The following DCPH1 variants were observed in gnomAD, a reference collection of about 807,000 sequenced individuals.
The protein encoded by DCPH1 is damage control phosphatase 1, also known as damage-control phosphatase 1.
At chr6:151,464,095 A>G in the DCPH1 span, among the ~76,000 whole-genome samples, 1 of 152,214 alleles carries the variant, frequency 6.6e-6, no homozygotes, top group Admixed American at 6.5e-5. Context: ...ACTCTGCCAC[A>G]TCGGTGGTTA....
At chr6:151,454,851 T>G in the DCPH1 span, among the ~76,000 whole-genome samples, 1 of 152,218 alleles carries the variant, frequency 6.6e-6, no homozygotes, top group Non-Finnish European at 1.5e-5. Context: ...TTCCAATAAT[T>G]AATTCTGTCA....
the DCPH1 span, chr6:151,464,390 A>G: frequency 8.4e-7 from 1 of 1,189,750 alleles, no homozygotes; most frequent in East Asian, 2.4e-5. Context: ...ATTTTCTTTC[A>G]AGAACTGCAG....
chr6:151,454,525 TA>T, the DCPH1 span: 2 of 1,109,262 alleles, frequency 1.8e-6, no homozygotes, highest in Non-Finnish European at 2.8e-6. Context: ...CTAAGTTATA[TA>T]TTGCATGTGA....
the DCPH1 span, chr6:151,454,575 C>G: frequency 9.0e-6 from 14 of 1,555,512 alleles, no homozygotes; most frequent in Middle Eastern, 1.7e-4. Context: ...CAATTAAAGA[C>G]AGAATACCAC....
chr6:151,459,518 G>C, the DCPH1 span, among the ~76,000 whole-genome samples: 3 of 152,082 alleles, frequency 2.0e-5, no homozygotes, highest in African/African-American at 7.2e-5. Context: ...TAGACCAGGC[G>C]TGGTGGCTCA....
the DCPH1 span, among the ~76,000 whole-genome samples, chr6:151,461,345 C>G: frequency 2.5e-4 from 38 of 152,056 alleles, no homozygotes; most frequent in African/African-American, 9.2e-4. Context: ...CATTTATGAC[C>G]CAGTTGGGGA....
chr6:151,460,280 G>C, the DCPH1 span, among the ~76,000 whole-genome samples: 1 of 151,546 alleles, frequency 6.6e-6, no homozygotes, highest in African/African-American at 2.4e-5. Flanking sequence ...GTAGAGATGG[G>C]GTTTCGTTAT....
At chr6:151,467,646 G>A in the DCPH1 span, among the ~76,000 whole-genome samples, 4 of 152,086 alleles carry the variant, frequency 2.6e-5, no homozygotes, top group Non-Finnish European at 5.9e-5. Flanking sequence ...AACTGAAGAT[G>A]CTGAGTTTGA....
chr6:151,468,613 G>A, the DCPH1 span: 1 of 1,614,134 alleles, frequency 6.2e-7, no homozygotes, highest in Non-Finnish European at 8.5e-7. Context: ...ACTGGCTACT[G>A]AGGTTCATTT....
chr6:151,459,918 C>G, the DCPH1 span, among the ~76,000 whole-genome samples: 1 of 152,168 alleles, frequency 6.6e-6, no homozygotes, highest in African/African-American at 2.4e-5. Flanking sequence ...GGTATCTGTT[C>G]CTAAACATAG....
At chr6:151,452,691 A>AGTC in the DCPH1 span, 1 of 1,217,290 alleles carries the variant, frequency 8.2e-7, no homozygotes, top group Non-Finnish European at 1.1e-6. Context: ...GCTGCGTTCG[A>AGTC]GTCCCGCCGC....
chr6:151,454,578 A>G, the DCPH1 span: 4 of 1,565,178 alleles, frequency 2.6e-6, no homozygotes, highest in South Asian at 4.5e-5. Flanking sequence ...TTAAAGACAG[A>G]ATACCACAGA....
chr6:151,467,211 A>G, the DCPH1 span, among the ~76,000 whole-genome samples: 2 of 151,308 alleles, frequency 1.3e-5, no homozygotes, highest in Non-Finnish European at 2.9e-5. Context: ...AGATCGCACC[A>G]CCGCACTCCA....
chr6:151,457,513 A>T, the DCPH1 span, among the ~76,000 whole-genome samples: 1 of 152,214 alleles, frequency 6.6e-6, no homozygotes, highest in African/African-American at 2.4e-5. Flanking sequence ...ACAGTCAGCT[A>T]CAACTTCTTT....
the DCPH1 span, chr6:151,452,784 G>T: frequency 5.4e-6 from 3 of 554,418 alleles, no homozygotes; most frequent in Non-Finnish European, 9.4e-6. Flanking sequence ...GAGGGAGCCT[G>T]CCCGCGGCGG....
the DCPH1 span, among the ~76,000 whole-genome samples, chr6:151,463,177 G>A: frequency 6.6e-6 from 1 of 152,156 alleles, no homozygotes; most frequent in Non-Finnish European, 1.5e-5. Flanking sequence ...GCCGGATTGG[G>A]TCTGTGCATC....
chr6:151,469,209 C>T, the DCPH1 span: 56 of 998,992 alleles, frequency 5.6e-5, no homozygotes, highest in South Asian at 6.1e-4. Context: ...CGGCTCTGTA[C>T]GCGCTCAGGG....
At chr6:151,461,249 A>G in the DCPH1 span, among the ~76,000 whole-genome samples, 1 of 152,174 alleles carries the variant, frequency 6.6e-6, no homozygotes, top group Non-Finnish European at 1.5e-5. Context: ...AGGCAAGAGG[A>G]ATGCTGTTTC....
chr6:151,465,346 T>C, the DCPH1 span, among the ~76,000 whole-genome samples: 1 of 152,090 alleles, frequency 6.6e-6, no homozygotes, highest in Admixed American at 6.6e-5. Context: ...AAAAGAAATG[T>C]TAGAAAGTGC....
Sources: allele counts gnomAD v4.1 joint callset (sites outside exome capture counted in the v4.1 genomes callset), GRCh38; gene constraint gnomAD v4.1.1; transcripts MANE v1.5; gene names NCBI Gene and HGNC (gene_info 2026-07-23, HGNC 2026-07-21).